Variants in PACRG observed in about 807,000 individuals in gnomAD.
PACRG encodes the protein parkin coregulated gene protein.
In PACRG, 29 loss-of-function variants were observed where a neutral mutation model predicts 29.7. The ratio of observed to expected loss-of-function variants is 0.98; its 90% CI spans 0.73 to 1.33. The LOEUF is 1.33. PACRG is among the 40% of genes most tolerant of loss of function. The probability of loss-of-function intolerance (pLI) is 0.00; values close to 1 mark genes in which losing one functional copy is unlikely to be tolerated. For synonymous variants in PACRG, 116 were observed against 118.7 expected, an observed-to-expected ratio of 0.98 and a Z score of 0.15; for missense variants, 279 against 316.2, an observed-to-expected ratio of 0.88 and a Z score of 0.89.
At chr6:162,788,644 C>G (rs558914674) in intron 1 of PACRG, among the ~76,000 whole-genome samples, 2 of 152,290 alleles carry the variant, frequency 1.3e-5, no homozygotes, top group African/African-American at 2.4e-5. Context: ...TATGAGAGTT[C>G]CTGTTGCTCC....
intron 2 of PACRG, among the ~76,000 whole-genome samples, chr6:162,882,569 G>A (rs1342045518): frequency 6.6e-6 from 1 of 151,962 alleles, no homozygotes; most frequent in African/African-American, 2.4e-5. Flanking sequence ...GACCTCAGGG[G>A]CTCTTTACAT....
intron 2 of PACRG, among the ~76,000 whole-genome samples, chr6:162,912,309 C>A (rs1244088717): frequency 6.6e-6 from 1 of 152,082 alleles, no homozygotes; most frequent in African/African-American, 2.4e-5. Context: ...TTTGTATATG[C>A]TCTCTTATGA....
chr6:162,941,290 A>G (rs1798612159), intron 2 of PACRG, among the ~76,000 whole-genome samples: 1 of 151,818 alleles, frequency 6.6e-6, no homozygotes, highest in African/African-American at 2.4e-5. Flanking sequence ...CCGCCCTGTG[A>G]CTCCCTGTTC....
At chr6:162,918,394 A>C (rs1796842177) in intron 2 of PACRG, among the ~76,000 whole-genome samples, 1 of 152,216 alleles carries the variant, frequency 6.6e-6, no homozygotes, top group Non-Finnish European at 1.5e-5. Flanking sequence ...TACTTCTGAA[A>C]TTTTATGTTC....
intron 4 of PACRG, among the ~76,000 whole-genome samples, chr6:163,299,908 A>C (rs1427361471): frequency 6.6e-6 from 1 of 152,148 alleles, no homozygotes; most frequent in Non-Finnish European, 1.5e-5. Flanking sequence ...AAAAATATAT[A>C]GCCTAGACTG....
chr6:162,987,374 T>TACCA (rs1375082163), intron 2 of PACRG, among the ~76,000 whole-genome samples: 1 of 152,184 alleles, frequency 6.6e-6, no homozygotes, highest in Non-Finnish European at 1.5e-5. Flanking sequence ...CAGCCATGGA[T>TACCA]ACCAGCATGA....
intron 1 of PACRG, among the ~76,000 whole-genome samples, chr6:162,731,724 T>C (rs1325683331): frequency 2.0e-5 from 3 of 152,136 alleles, no homozygotes; most frequent in Non-Finnish European, 4.4e-5. Context: ...ACTTTACATG[T>C]ATAGTGTGTT....
intron 2 of PACRG, among the ~76,000 whole-genome samples, chr6:163,033,674 T>C (rs748959236): frequency 6.6e-6 from 1 of 152,210 alleles, no homozygotes; most frequent in Non-Finnish European, 1.5e-5. Flanking sequence ...CATAGAAAGA[T>C]AAAAGATAGA....
intron 4 of PACRG, among the ~76,000 whole-genome samples, chr6:163,193,025 G>C (rs1474943099): frequency 6.6e-6 from 1 of 152,152 alleles, no homozygotes; most frequent in Admixed American, 6.5e-5. Flanking sequence ...CCAATAAACA[G>C]TCACTCTTTG....
chr6:163,060,225 GC>G (rs1810979604), intron 2 of PACRG, among the ~76,000 whole-genome samples: 1 of 151,978 alleles, frequency 6.6e-6, no homozygotes, highest in African/African-American at 2.4e-5. Flanking sequence ...TTAATTTTGT[GC>G]TTACAAGAAA....
chr6:163,129,150 C>G (rs536499380), intron 4 of PACRG, among the ~76,000 whole-genome samples: 57 of 152,248 alleles, frequency 3.7e-4, no homozygotes, highest in African/African-American at 1.4e-3. Context: ...CTAGGCCCCA[C>G]GATTCTCATT....
At chr6:162,842,045 T>A (rs1224745895) in intron 2 of PACRG, among the ~76,000 whole-genome samples, 1 of 150,632 alleles carries the variant, frequency 6.6e-6, no homozygotes, top group African/African-American at 2.4e-5. Flanking sequence ...ATAGGTGTGG[T>A]GTGGTGCTGA....
chr6:163,290,820 A>G (rs763588258), intron 4 of PACRG, among the ~76,000 whole-genome samples: 1 of 152,126 alleles, frequency 6.6e-6, no homozygotes, highest in Non-Finnish European at 1.5e-5. Context: ...CCTTAGTTAA[A>G]TGAAATCGGA....
chr6:163,209,321 C>T (rs899767801), intron 4 of PACRG, among the ~76,000 whole-genome samples: 1 of 152,180 alleles, frequency 6.6e-6, no homozygotes. Context: ...GGCAGTCCGC[C>T]TCAGCATGAA....
intron 1 of PACRG, among the ~76,000 whole-genome samples, chr6:162,803,112 A>T (rs1786018761): frequency 6.6e-6 from 1 of 152,178 alleles, no homozygotes; most frequent in Non-Finnish European, 1.5e-5. Flanking sequence ...TGCAAGCTTA[A>T]TGTGAAGAAG....
chr6:163,262,482 G>C (rs188940217), intron 4 of PACRG, among the ~76,000 whole-genome samples: 1 of 151,974 alleles, frequency 6.6e-6, no homozygotes, highest in Admixed American at 6.6e-5. Context: ...TGGAATATCT[G>C]ATCAAAGCGA....
chr6:163,096,794 T>C (rs1017374297), intron 4 of PACRG, among the ~76,000 whole-genome samples: 8 of 150,392 alleles, frequency 5.3e-5, no homozygotes, highest in African/African-American at 2.0e-4. Context: ...CAAATACATG[T>C]GGCTTTATAT....
intron 1 of PACRG, among the ~76,000 whole-genome samples, chr6:162,767,010 T>A (rs1297666009): frequency 1.3e-5 from 2 of 152,048 alleles, no homozygotes; most frequent in African/African-American, 4.8e-5. Flanking sequence ...TTTAAATATA[T>A]ACAGTTTTTA....
At chr6:162,960,452 C>T (rs2128143229) in intron 2 of PACRG, among the ~76,000 whole-genome samples, 1 of 152,282 alleles carries the variant, frequency 6.6e-6, no homozygotes, top group African/African-American at 2.4e-5. Flanking sequence ...ATTTCCTTTG[C>T]AGCAACATGG....
Sources: gnomAD v4.1 joint callset for allele counts (sites outside exome capture counted in the v4.1 genomes callset) on GRCh38, gnomAD v4.1.1 for gene constraint, MANE v1.5 for transcripts, NCBI Gene and HGNC (gene_info 2026-07-23, HGNC 2026-07-21) for gene names.